The following UMAD1 variants were observed in gnomAD, a reference collection of about 807,000 sequenced individuals.
UMAD1 encodes the protein UBAP1-MVB12-associated (UMA) domain containing 1.
A neutral mutation model predicts 6.1 loss-of-function variants in UMAD1; 8 were observed. That is an observed-to-expected ratio of 1.30 (90% CI 0.76 to 2.35). The LOEUF is 2.35. UMAD1 is among the 30% of genes most tolerant of loss of function. The pLI, the probability that UMAD1 is intolerant of heterozygous loss-of-function variation, is 0.00. For synonymous variants in UMAD1, 56 were observed against 31.4 expected (o/e 1.78, Z -2.61); for missense variants, 130 against 78.4 (o/e 1.66, Z -2.49).
intron 2 of UMAD1, among the ~76,000 whole-genome samples, chr7:7,782,111 T>C (rs1487202416): frequency 6.6e-6 from 1 of 152,134 alleles, no homozygotes; most frequent in Non-Finnish European, 1.5e-5. Context: ...CTTTTTCCAT[T>C]CTCTTATTTT....
chr7:7,790,763 A>C (rs970916287), intron 2 of UMAD1, among the ~76,000 whole-genome samples: 6 of 152,204 alleles, frequency 3.9e-5, no homozygotes, highest in Admixed American at 3.3e-4. Context: ...CTTTAATAAA[A>C]CCAACCAGCT....
chr7:7,776,323 A>C (rs1444905640), intron 2 of UMAD1, among the ~76,000 whole-genome samples: 1 of 152,202 alleles, frequency 6.6e-6, no homozygotes, highest in East Asian at 1.9e-4. Flanking sequence ...ATGAAAATGC[A>C]ATCAATATGG....
chr7:7,659,098 G>A (rs1785413200), intron 1 of UMAD1, among the ~76,000 whole-genome samples: 2 of 152,102 alleles, frequency 1.3e-5, no homozygotes, highest in Non-Finnish European at 2.9e-5. Context: ...TGCGTAGCTT[G>A]TTTATAGTAT....
Position 7,864,602 on chromosome 7 carries a change from TACACACACACACAC to T in UMAD1, c.157-12643_157-12630del, listed in dbSNP as rs59036228. 9.0e-3 allele frequency among the ~76,000 whole-genome samples: 1,256 copies of T among 140,206 alleles called. 13 individuals carry two copies. The highest frequency in any genetic ancestry group is 0.013 in the Non-Finnish European group (823 of 64,792). The allele number at this position is 140,206 out of a possible 152,430, so 92.0% of individuals were successfully genotyped here. On this transcript the variant is annotated intron_variant, in intron 3 of 3. Coordinates refer to ENST00000682710, the MANE Select transcript of UMAD1 (RefSeq NM_001302348.2). ...CTAGACATGAGGAGAACATGAAAAC[TACACACACACACAC>T]ACACACACACACACACACACACACA...
At chr7:7,829,097 A>G (rs892163433) in intron 3 of UMAD1, among the ~76,000 whole-genome samples, 9 of 152,148 alleles carry the variant, frequency 5.9e-5, no homozygotes, top group Admixed American at 2.6e-4. Flanking sequence ...TTTCTTGTCA[A>G]TGTTCTTTTT....
chr7:7,799,466 C>T (rs1782755033), intron 2 of UMAD1, among the ~76,000 whole-genome samples: 1 of 152,040 alleles, frequency 6.6e-6, no homozygotes, highest in Non-Finnish European at 1.5e-5. Context: ...ATACACACCT[C>T]GAAATCAGAA....
rs907853009 is a variant in UMAD1, at chr7:7,816,734, C to G, written c.156+14991C>G. On this transcript the variant is annotated intron_variant, in intron 3 of 3. Transcript: ENST00000682710. ...CTTTCATTCTCAACCCAATTGATCA[C>G]CAATCACTTTATTTCTACCTCCTCT... Among the ~76,000 whole-genome samples, 6 of 152,212 alleles carry G rather than the reference C, an allele frequency of 3.9e-5. No homozygotes were observed. The East Asian group carries it at 9.6e-4, about 24-fold the overall frequency.
chr7:7,641,275 C>G (rs994673550), intron 1 of UMAD1: 1 of 152,230 alleles, frequency 6.6e-6, no homozygotes, highest in East Asian at 1.9e-4. Flanking sequence ...CTAACCCCTC[C>G]GTGTTGGCAG....
chr7:7,678,388 AG>A (rs1237043421), intron 2 of UMAD1, among the ~76,000 whole-genome samples: 1 of 147,380 alleles, frequency 6.8e-6, no homozygotes, highest in Non-Finnish European at 1.5e-5. Context: ...GTATGTCTTG[AG>A]AAATAGCTAT....
chr7:7,856,990 T>C (rs1784031008), intron 3 of UMAD1, among the ~76,000 whole-genome samples: 1 of 152,224 alleles, frequency 6.6e-6, no homozygotes, highest in African/African-American at 2.4e-5. Flanking sequence ...CTTTTTATAG[T>C]TGATGATCCC....
intron 2 of UMAD1, among the ~76,000 whole-genome samples, chr7:7,690,520 T>A (rs1020894614): frequency 6.6e-6 from 1 of 152,142 alleles, no homozygotes; most frequent in Admixed American, 6.6e-5. Flanking sequence ...TTATTATAAA[T>A]TGAGCTGCAG....
At chr7:7,690,037 T>C (rs1310008623) in intron 2 of UMAD1, among the ~76,000 whole-genome samples, 1 of 152,182 alleles carries the variant, frequency 6.6e-6, no homozygotes, top group Non-Finnish European at 1.5e-5. Context: ...ATTTTTCCCA[T>C]CTAAAGTGAT....
intron 3 of UMAD1, among the ~76,000 whole-genome samples, chr7:7,843,493 T>C (rs552356445): frequency 3.9e-4 from 60 of 152,324 alleles, no homozygotes; most frequent in African/African-American, 1.4e-3. Context: ...TTTGAGTGGA[T>C]TGGCAATGAA....
chr7:7,828,233 G>A (rs963506214), intron 3 of UMAD1, among the ~76,000 whole-genome samples: 4 of 152,132 alleles, frequency 2.6e-5, no homozygotes, highest in African/African-American at 7.2e-5. Context: ...AATGAGATCC[G>A]GCATTCAGTA....
At chr7:7,696,531 A>G (rs983689019) in intron 2 of UMAD1, among the ~76,000 whole-genome samples, 14 of 152,178 alleles carry the variant, frequency 9.2e-5, no homozygotes, top group African/African-American at 3.4e-4. Context: ...AGAAATTCAG[A>G]TGTCATTTGA....
intron 2 of UMAD1, among the ~76,000 whole-genome samples, chr7:7,732,126 T>C (rs775124375): frequency 2.0e-5 from 3 of 152,024 alleles, no homozygotes; most frequent in Non-Finnish European, 4.4e-5. Flanking sequence ...ATTCTTGTTA[T>C]TTAGTAAGCA....
chr7:7,793,988 A>G (rs898959667), intron 2 of UMAD1, among the ~76,000 whole-genome samples: 14 of 152,294 alleles, frequency 9.2e-5, no homozygotes, highest in Admixed American at 4.6e-4. Context: ...AATTTCTTAG[A>G]TGCTAAAGTG....
chr7:7,643,453 G>A (rs1393433550), intron 1 of UMAD1, among the ~76,000 whole-genome samples: 3 of 152,230 alleles, frequency 2.0e-5, no homozygotes, highest in Non-Finnish European at 4.4e-5. Flanking sequence ...GCTCACGCCT[G>A]TAATCCCAGC....
intron 1 of UMAD1, among the ~76,000 whole-genome samples, chr7:7,655,191 C>T (rs1047957653): frequency 5.9e-5 from 9 of 152,030 alleles, no homozygotes; most frequent in African/African-American, 2.2e-4. Context: ...CTCTCCATGG[C>T]AGACAGAGCC....
Sources: allele counts gnomAD v4.1 joint callset (sites outside exome capture counted in the v4.1 genomes callset), GRCh38; gene constraint gnomAD v4.1.1; transcripts MANE v1.5; gene names NCBI Gene and HGNC (gene_info 2026-07-23, HGNC 2026-07-21).